Variants in FBXO42 observed in about 807,000 individuals in gnomAD.
The protein encoded by FBXO42 is F-box only protein 42.
FBXO42 carries 12 observed loss-of-function variants against 71.7 expected under a neutral mutation model. The ratio of observed to expected loss-of-function variants is 0.17; its 90% confidence interval spans 0.11 to 0.27. The LOEUF (loss-of-function observed/expected upper bound fraction) is 0.27. Ranked by LOEUF, FBXO42 falls within the 10% of genes least tolerant of loss-of-function variation. The pLI is 1.00. For synonymous variants in FBXO42, 325 were observed against 327.5 expected, an observed-to-expected ratio of 0.99 and a Z score of 0.08; for missense variants, 707 against 911.9, an observed-to-expected ratio of 0.78 and a Z score of 2.89.
In FBXO42 at chr1:16,342,153, T is replaced by A. The variant is rs552072817; in HGVS notation, c.-18+10102A>T. Reference sequence around the variant, plus strand: ...GGCTCACGCCTGTAATCCCAGCACTTTGGGAGGCCAAGACGGGCGGATCAC... The same window carrying A: ...GGCTCACGCCTGTAATCCCAGCACTATGGGAGGCCAAGACGGGCGGATCAC... On this transcript the variant is annotated intron_variant, in intron 1 of 9. Transcript: ENST00000375592. 6.5e-4 allele frequency among the ~76,000 whole-genome samples: 98 copies of A among 151,502 alleles called. 3 individuals carry two copies. Among genetic ancestry groups the A allele is most frequent in the Admixed American group, 2.6e-4 (4 of 15,186 alleles).
chr1:16,290,953 A>G (rs964349530), intron 4 of FBXO42, among the ~76,000 whole-genome samples: 8 of 152,310 alleles, frequency 5.3e-5, no homozygotes, highest in African/African-American at 1.9e-4. Context: ...TCATAACCAC[A>G]TAACCAAATA....
At chr1:16,350,157 G>A (rs1252456313) in intron 1 of FBXO42, among the ~76,000 whole-genome samples, 2 of 151,936 alleles carry the variant, frequency 1.3e-5, no homozygotes, top group African/African-American at 4.8e-5. Context: ...TTGTAACTAA[G>A]GTAAGGAATT....
chr1:16,257,348 T>C (rs1056853183), intron 4 of FBXO42, among the ~76,000 whole-genome samples: 1 of 152,146 alleles, frequency 6.6e-6, no homozygotes, highest in African/African-American at 2.4e-5. Flanking sequence ...GCTATGGGCT[T>C]CACATAACCA....
At chr1:16,351,801 C>T (rs976591240) in intron 1 of FBXO42, among the ~76,000 whole-genome samples, 1 of 152,182 alleles carries the variant, frequency 6.6e-6, no homozygotes, top group Non-Finnish European at 1.5e-5. Flanking sequence ...TAACGTAAAC[C>T]AATTCCAAAA....
At chr1:16,285,763 C>A (rs1294810363) in intron 4 of FBXO42, among the ~76,000 whole-genome samples, 2 of 152,154 alleles carry the variant, frequency 1.3e-5, no homozygotes, top group African/African-American at 4.8e-5. Context: ...TCCCAGATGC[C>A]ACATTCTCCG....
In FBXO42 at chr1:16,350,419, C is replaced by T. The variant is rs182088927; in HGVS notation, c.-18+1836G>A. Among the ~76,000 whole-genome samples the T allele has an allele frequency of 2.6e-5, 4 of 151,426 alleles. No homozygotes were observed. The East Asian group carries it at 7.8e-4, about 29-fold the overall frequency. On this transcript the variant is annotated intron_variant, in intron 1 of 9. Transcript: ENST00000375592. Reference sequence around the variant, plus strand: ...TCTTTAGCAAAGACACTAAGAAAATCGACAAATTTCTATGGAAAAGTCTTT... The same window carrying T: ...TCTTTAGCAAAGACACTAAGAAAATTGACAAATTTCTATGGAAAAGTCTTT...
At chr1:16,308,904 T>G (rs2082283590) in intron 2 of FBXO42, among the ~76,000 whole-genome samples, 1 of 150,058 alleles carries the variant, frequency 6.7e-6, no homozygotes, top group South Asian at 2.1e-4. Flanking sequence ...CCACCATGCC[T>G]AGCTAATTTT....
At chr1:16,283,955 T>G (rs2081994147) in intron 4 of FBXO42, among the ~76,000 whole-genome samples, 1 of 152,192 alleles carries the variant, frequency 6.6e-6, no homozygotes, top group Non-Finnish European at 1.5e-5. Context: ...AAAGGCAGTA[T>G]GACTTACGTT....
chr1:16,333,870 A>G (rs1212754574), intron 1 of FBXO42, among the ~76,000 whole-genome samples: 4 of 152,212 alleles, frequency 2.6e-5, no homozygotes, highest in African/African-American at 9.7e-5. Context: ...AACAGTCAGC[A>G]TTTAAAGGGA....
chr1:16,288,452 A>T (rs6661454), intron 4 of FBXO42, among the ~76,000 whole-genome samples: 91,847 of 139,818 alleles, frequency 0.66, 31,313 homozygotes, highest in East Asian at 0.85. Context: ...ATAAAAATAA[A>T]AATAATAATA....
chr1:16,252,249 G>T lies in FBXO42; in HGVS notation c.1038+39C>A. 6.8e-7 allele frequency: 1 copy of T among 1,471,814 alleles called. No homozygotes were observed. The highest frequency in any genetic ancestry group is 9.5e-7 in the Non-Finnish European group (1 of 1,051,134). The allele number at this position is 1,471,814 out of a possible 1,614,324, so 91.2% of individuals were successfully genotyped here. ...AAGTAATGTGGTTTTCCACAATTTA[G>T]GACCTGTCCTCCTGCTAGCCTGTCA... On this transcript the variant is annotated intron_variant, in intron 9 of 9. Transcript: ENST00000375592. The surrounding 1 kb of genome is among the most constrained non-coding windows in gnomAD (Gnocchi z 4.4).
chr1:16,341,609 TAAAAAAAA>T lies in FBXO42; in HGVS notation c.-18+10638_-18+10645del, dbSNP rs34904915. Among the ~76,000 whole-genome samples the T allele has an allele frequency of 4.8e-4, 54 of 113,282 alleles. 2 individuals are homozygous for T. The South Asian group carries it at 0.015, about 31-fold the overall frequency. 74.3% of individuals were successfully genotyped at this position (113,282 alleles called of 152,430 possible). On this transcript the variant is annotated intron_variant, in intron 1 of 9. Transcript: ENST00000375592. ...GGCAACCAAGTGAGACTGCGTCTTT[TAAAAAAAA>T]AAAAAAAAAAAAAAAAAGTGGCAGT...
At chr1:16,302,001 C>T (rs941016737) in intron 3 of FBXO42, among the ~76,000 whole-genome samples, 1 of 152,096 alleles carries the variant, frequency 6.6e-6, no homozygotes, top group African/African-American at 2.4e-5. Flanking sequence ...TCAGACAAGC[C>T]AAGAAACTTG....
At chr1:16,325,162 C>T (rs1309694652) in intron 1 of FBXO42, among the ~76,000 whole-genome samples, 3 of 151,878 alleles carry the variant, frequency 2.0e-5, no homozygotes, top group Non-Finnish European at 4.4e-5. Context: ...CTCTTGAGCC[C>T]GAGAGGTGGA....
chr1:16,306,576 T>C (rs567092032), intron 2 of FBXO42, among the ~76,000 whole-genome samples: 93 of 152,298 alleles, frequency 6.1e-4, no homozygotes, highest in Non-Finnish European at 1.2e-3. Flanking sequence ...TATGAAAGAG[T>C]ATGATAAAAC....
At chr1:16,346,937 G>T (rs1004471454) in intron 1 of FBXO42, among the ~76,000 whole-genome samples, 1 of 150,948 alleles carries the variant, frequency 6.6e-6, no homozygotes, top group Non-Finnish European at 1.5e-5. Flanking sequence ...TAGAGATGGG[G>T]TTTCACCATG....
chr1:16,319,591 TAATGGGTTTCCTGAAAAC>T (rs2082396231), intron 1 of FBXO42, among the ~76,000 whole-genome samples: 1 of 152,158 alleles, frequency 6.6e-6, no homozygotes, highest in Admixed American at 6.6e-5. Flanking sequence ...AAGAGTATTA[TAATGGGTTTCCTGAAAAC>T]TGTATTAGAA....
intron 4 of FBXO42, among the ~76,000 whole-genome samples, chr1:16,261,122 C>G (rs1246174967): frequency 6.6e-6 from 1 of 152,218 alleles, no homozygotes. Flanking sequence ...TGTTTCAAAG[C>G]TGAAGAAGTT....
chr1:16,346,383 C>A (rs1246513583), intron 1 of FBXO42, among the ~76,000 whole-genome samples: 1 of 152,062 alleles, frequency 6.6e-6, no homozygotes, highest in Admixed American at 6.6e-5. Context: ...TACTTCAAAT[C>A]TATTTATTAC....
Sources: allele counts gnomAD v4.1 joint callset (sites outside exome capture counted in the v4.1 genomes callset), GRCh38; gene constraint gnomAD v4.1.1; non-coding constraint Gnocchi (gnomAD v3.1); transcripts MANE v1.5; gene names NCBI Gene and HGNC (gene_info 2026-07-23, HGNC 2026-07-21).